The following LYRM4 variants were observed in gnomAD, a reference collection of about 807,000 sequenced individuals.
LYRM4 encodes LYR motif-containing protein 4.
In LYRM4, 9 loss-of-function variants were observed where a neutral mutation model predicts 11.7. The ratio of observed to expected loss-of-function variants is 0.77; its 90% confidence interval spans 0.46 to 1.34. LYRM4 has a LOEUF of 1.34. Ranked by LOEUF, LYRM4 falls within the 40% of genes most tolerant of loss-of-function variation. The probability of loss-of-function intolerance (pLI) is 0.00; values close to 1 mark genes in which losing one functional copy is unlikely to be tolerated. For missense variants in LYRM4, 133 were observed against 112.5 expected (o/e 1.18, Z -0.82); for synonymous variants, 42 against 40.4 (o/e 1.04, Z -0.15).
the LYRM4 span, chr6:5,085,628 C>G: frequency 6.5e-7 from 1 of 1,548,472 alleles, no homozygotes. Context: ...TCGGAGACCC[C>G]GAGTCCTGAC....
At chr6:5,165,848 T>C (rs1759058191) in intron 2 of LYRM4, among the ~76,000 whole-genome samples, 3 of 152,136 alleles carry the variant, frequency 2.0e-5, no homozygotes, top group Admixed American at 2.0e-4. Context: ...CGGCCACAAA[T>C]GCAAGTTTAT....
intron 2 of LYRM4, among the ~76,000 whole-genome samples, chr6:5,212,156 G>GA (rs1451068191): frequency 6.6e-6 from 1 of 152,212 alleles, no homozygotes; most frequent in African/African-American, 2.4e-5. Flanking sequence ...TAACAGACAG[G>GA]AAATAGTGAC....
chr6:5,085,624 AC>A, the LYRM4 span: 3 of 1,547,970 alleles, frequency 1.9e-6, no homozygotes, highest in Non-Finnish European at 2.6e-6. Context: ...CGCTTCGGAG[AC>A]CCCGAGTCCT....
the LYRM4 span, chr6:5,085,815 C>G: frequency 6.5e-7 from 1 of 1,527,320 alleles, no homozygotes; most frequent in African/African-American, 1.4e-5. Context: ...TGGCACTGGG[C>G]GGCGAGGGGG....
At chr6:5,062,835 A>G in the LYRM4 span, among the ~76,000 whole-genome samples, 2 of 152,184 alleles carry the variant, frequency 1.3e-5, no homozygotes, top group African/African-American at 2.4e-5. Context: ...ACACTTTAGA[A>G]TCTGTGATCT....
chr6:5,179,397 C>G (rs1759941252), intron 2 of LYRM4, among the ~76,000 whole-genome samples: 1 of 152,080 alleles, frequency 6.6e-6, no homozygotes, highest in African/African-American at 2.4e-5. Context: ...CATCAAACAC[C>G]AACTCTCCAT....
At chr6:5,176,212 G>A (rs1759712215) in intron 2 of LYRM4, among the ~76,000 whole-genome samples, 1 of 151,920 alleles carries the variant, frequency 6.6e-6, no homozygotes. Context: ...CTACAAGCAT[G>A]TGCCACCATG....
chr6:5,061,832 A>T, the LYRM4 span, among the ~76,000 whole-genome samples: 5 of 152,160 alleles, frequency 3.3e-5, no homozygotes, highest in Admixed American at 2.6e-4. Context: ...CATGAATAAG[A>T]CGCAAGACCC....
intron 1 of LYRM4, among the ~76,000 whole-genome samples, 195 bp from the exon 2 acceptor site, chr6:5,216,933 T>C (rs1762307215): frequency 6.6e-6 from 1 of 152,182 alleles, no homozygotes; most frequent in Non-Finnish European, 1.5e-5. Context: ...TTTAGGAAAA[T>C]AAATCTACTC....
intron 2 of LYRM4, among the ~76,000 whole-genome samples, chr6:5,145,584 G>T (rs1259945938): frequency 6.6e-6 from 1 of 152,196 alleles, no homozygotes; most frequent in Non-Finnish European, 1.5e-5. Context: ...CATCAGAAGG[G>T]AAAGCAATAG....
At chr6:5,239,160 T>C (rs758660716) in intron 1 of LYRM4, among the ~76,000 whole-genome samples, 9 of 151,946 alleles carry the variant, frequency 5.9e-5, no homozygotes, top group Non-Finnish European at 1.2e-4. Context: ...CAAAAAGCAA[T>C]CAACTCGTGA....
At chr6:5,107,015 A>G (rs970288240), downstream of LYRM4, 1 of 152,272 alleles carries the variant, frequency 6.6e-6, no homozygotes, top group African/African-American at 2.4e-5. Context: ...GGGTCATCTC[A>G]GTTGGGGAGT....
At chr6:5,226,314 T>C (rs909920502) in intron 1 of LYRM4, among the ~76,000 whole-genome samples, 1 of 152,248 alleles carries the variant, frequency 6.6e-6, no homozygotes, top group Non-Finnish European at 1.5e-5. Flanking sequence ...TTTTCATGTT[T>C]AACTCTGGTC....
At chr6:5,217,544 G>C (rs1251292760) in intron 1 of LYRM4, among the ~76,000 whole-genome samples, 5 of 152,244 alleles carry the variant, frequency 3.3e-5, no homozygotes, top group Non-Finnish European at 7.3e-5. Flanking sequence ...ACTGCTAAAG[G>C]CTGCTGGGAG....
downstream of LYRM4, chr6:5,102,803 C>T (rs1445977261): frequency 2.0e-5 from 3 of 152,222 alleles, no homozygotes; most frequent in African/African-American, 7.2e-5. Context: ...GCAGTTCCAG[C>T]TCTATTGGTG....
intron 1 of LYRM4, among the ~76,000 whole-genome samples, chr6:5,254,949 C>T (rs1275160171): frequency 6.6e-6 from 1 of 152,114 alleles, no homozygotes; most frequent in Non-Finnish European, 1.5e-5. Context: ...TGATTCATGT[C>T]TCAACCCCCA....
At chr6:5,086,766 T>C in the LYRM4 span, 3 of 585,688 alleles carry the variant, frequency 5.1e-6, no homozygotes, top group Non-Finnish European at 9.0e-6. Context: ...CGGGCAATGC[T>C]CCGAAAGCCT....
At chr6:5,087,332 C>T in the LYRM4 span, 1 of 152,232 alleles carries the variant, frequency 6.6e-6, no homozygotes, top group Non-Finnish European at 1.5e-5. Context: ...TAAACAACAG[C>T]CTACAAATTC....
chr6:5,055,603 T>C, the LYRM4 span, among the ~76,000 whole-genome samples: 1 of 152,198 alleles, frequency 6.6e-6, no homozygotes, highest in Admixed American at 6.5e-5. The surrounding 1 kb of genome is among the most constrained non-coding windows in gnomAD (Gnocchi z 4.5). Context: ...CCTGGAATCC[T>C]CTTGGCTCAG....
Sources: allele counts gnomAD v4.1 joint callset (sites outside exome capture counted in the v4.1 genomes callset), GRCh38; gene constraint gnomAD v4.1.1; non-coding constraint Gnocchi (gnomAD v3.1); transcripts MANE v1.5; gene names NCBI Gene and HGNC (gene_info 2026-07-23, HGNC 2026-07-21).